The following COL9A2 variants were observed in gnomAD, a reference collection of about 807,000 sequenced individuals.
COL9A2 encodes collagen alpha-2(IX) chain.
A neutral mutation model predicts 111.6 loss-of-function variants in COL9A2; 66 were observed. The ratio of observed to expected loss-of-function variants is 0.59; its 90% CI spans 0.48 to 0.73. The LOEUF (loss-of-function observed/expected upper bound fraction) is 0.73, where lower values mean the gene tolerates loss of function less well. COL9A2 is among the 30% of genes least tolerant of loss of function. The pLI is 0.00. For synonymous variants in COL9A2, 353 were observed against 364.1 expected (o/e 0.97, Z 0.35); for missense variants, 881 against 954.1 (o/e 0.92, Z 1.01).
chr1:40,309,316 T>G (rs1259787839), intron 16 of COL9A2, among the ~76,000 whole-genome samples: 1 of 151,978 alleles, frequency 6.6e-6, no homozygotes, highest in Non-Finnish European at 1.5e-5. Flanking sequence ...AATTTTTTAA[T>G]TTTTAAAAAG....
Position 40,301,053 on chromosome 1 carries a change from A to G in COL9A2, c.*129T>C. ...TGTTTTAGAATTCCTTTTCCTTAGG[A>G]CTCCTGAGTCCCAGACAGAAGGTCC... On this transcript the variant is annotated 3_prime_UTR_variant, in exon 32 of 32. Coordinates refer to ENST00000372748, the MANE Select transcript of COL9A2 (RefSeq NM_001852.4). The G allele has an allele frequency of 6.4e-6, 6 of 940,222 alleles. No individual in the cohort carries two copies. The highest frequency in any genetic ancestry group is 9.9e-6 in the Non-Finnish European group (6 of 606,496). The allele number at this position is 940,222 out of a possible 1,614,324, so 58.2% of individuals were successfully genotyped here. A position where few individuals can be genotyped will look rare whatever the true frequency, so the allele number is the denominator to read the frequency against.
chr1:40,309,801 T>A (rs1644089843), intron 16 of COL9A2, 137 bp downstream of exon 16: 1 of 847,740 alleles, frequency 1.2e-6, no homozygotes, highest in Non-Finnish European at 2.0e-6. Flanking sequence ...ACACACACAC[T>A]ACACACTCAC....
In COL9A2 at chr1:40,303,318, G is replaced by C; in HGVS notation, c.1549-133C>G. The C allele has an allele frequency of 8.6e-7, 1 of 1,157,558 alleles. No individual in the cohort carries two copies. The highest frequency in any genetic ancestry group is 1.3e-6 in the Non-Finnish European group (1 of 797,356). The allele number at this position is 1,157,558 out of a possible 1,614,324, so 71.7% of individuals were successfully genotyped here. On this transcript the variant is annotated intron_variant, in intron 28 of 31. Transcript: ENST00000372748. The surrounding 1 kb of genome is among the most constrained non-coding windows in gnomAD (Gnocchi z 4.6). Reference sequence around the variant, plus strand: ...TCATTAATTCCCAAGCTGAGGAACAGATTGTACCTGGGCAGGGCCAAGGGC... The same window carrying C: ...TCATTAATTCCCAAGCTGAGGAACACATTGTACCTGGGCAGGGCCAAGGGC...
Position 40,315,577 on chromosome 1 carries a change from G to T in COL9A2, c.150+13C>A. The T allele has an allele frequency of 6.4e-7, 1 of 1,551,586 alleles. No individual in the cohort carries two copies. The highest frequency in any genetic ancestry group is 8.7e-7 in the Non-Finnish European group (1 of 1,146,650). ...CGCCTCCCTCCCGCCCTGGTCTCAG[G>T]TTAGAGACTTACGTCGATGCCGTCG... On this transcript the variant is annotated intron_variant, in intron 2 of 31. Transcript: ENST00000372748.
chr1:40,315,115 T>A (rs1172502760), intron 2 of COL9A2: 12 of 649,872 alleles, frequency 1.8e-5, no homozygotes, highest in Non-Finnish European at 2.3e-5. Flanking sequence ...GAATGAGGTA[T>A]TTAACCCTCA....
At chr1:40,315,756 A>T (rs1644209576) in intron 1 of COL9A2, 92 bp from the exon 2 acceptor site, 3 of 836,476 alleles carry the variant, frequency 3.6e-6, no homozygotes, top group Middle Eastern at 5.4e-4. Flanking sequence ...GCGGGGTCCT[A>T]GGGGCGCAGC....
rs550968388 is a variant in COL9A2 at position 40,311,470 on chromosome 1, G to A, written c.519+30C>T. The A allele has an allele frequency of 1.3e-6, 2 of 1,536,610 alleles. No individual in the cohort carries two copies. Among genetic ancestry groups the A allele is most frequent in the African/African-American group, 1.4e-5 (1 of 71,926 alleles). On this transcript the variant is annotated intron_variant, in intron 10 of 31. Transcript: ENST00000372748. This position sits in a 1 kb window ranked among gnomAD's most constrained non-coding sequence, Gnocchi z 5.1. ...CATCTCTGTGGCCCCGCCCCCCTGT[G>A]TTAGCCCCGCCCCAGACCTCGTCTC...
rs1035608900 is a variant in COL9A2 at position 40,305,067 on chromosome 1, T to C, written c.1108-220A>G. On this transcript the variant is annotated intron_variant, in intron 21 of 31. Coordinates refer to ENST00000372748, the MANE Select transcript of COL9A2 (RefSeq NM_001852.4). ...TGTGATCATTTCTTTCTTTCTTTTTTTTTTTTTTTTTTTTTTTTGAGAGGG... is the reference window on the plus strand; with the variant it reads ...TGTGATCATTTCTTTCTTTCTTTTTCTTTTTTTTTTTTTTTTTTGAGAGGG... 4.8e-5 allele frequency: 19 copies of C among 392,972 alleles called. 1 individual carries two copies. In the Middle Eastern group the frequency reaches 2.7e-3, roughly 56 times the overall value. The allele number at this position is 392,972 out of a possible 1,614,324, so 24.3% of individuals were successfully genotyped here.
intron 4 of COL9A2, among the ~76,000 whole-genome samples, chr1:40,313,336 T>G (rs945404815): frequency 6.6e-5 from 10 of 152,184 alleles, no homozygotes; most frequent in African/African-American, 2.4e-4. Context: ...GCTTGGGTAA[T>G]TTTTGTATTT....
chr1:40,315,498 C>T (rs1644203934), intron 2 of COL9A2, 92 bp downstream of exon 2: 1 of 1,458,408 alleles, frequency 6.9e-7, no homozygotes, highest in Non-Finnish European at 9.1e-7. Context: ...CATCTCCGGG[C>T]ACCCCGAAGT....
chr1:40,303,571 T>A lies in COL9A2; in HGVS notation c.1507A>T (p.Asn503Tyr), dbSNP rs1557792453. 1 of 1,611,048 alleles carries A rather than the reference T, an allele frequency of 6.2e-7. No homozygotes were observed. The highest frequency in any genetic ancestry group is 2.2e-5 in the East Asian group (1 of 44,798). ...CCGGGCTGTCCTGGCACGCCTCGGT[T>A]CCCGGCCAGTCCTCGAGGGCCGGGG... ...GPPGPRGLAG[N>Y]RGVPGQPGRQ... Residue 503 changes from asparagine (N) to tyrosine (Y), a missense_variant, in exon 28 of 32, where the codon AAC (asparagine) becomes TAC (tyrosine). Transcript: ENST00000372748. This position sits in a 1 kb window ranked among gnomAD's most constrained non-coding sequence, Gnocchi z 4.6.
rs531682380 is a variant in COL9A2 at position 40,314,461 on chromosome 1, A to G, written c.151-74T>C. On this transcript the variant is annotated intron_variant, in intron 2 of 31. Transcript: ENST00000372748. The surrounding 1 kb of genome is among the most constrained non-coding windows in gnomAD (Gnocchi z 4.1). ...CAAGTGGGCACACACAGGCCCTGGCAGGCCGCTCCCAAAGGCTCTCCTCAC... is the reference window on the plus strand; with the variant it reads ...CAAGTGGGCACACACAGGCCCTGGCGGGCCGCTCCCAAAGGCTCTCCTCAC... The G allele has an allele frequency of 2.8e-5, 45 of 1,580,786 alleles. No individual in the cohort carries two copies. In the African/African-American group the frequency reaches 5.8e-4, roughly 20 times the overall value.
chr1:40,307,752 G>C lies in COL9A2; in HGVS notation c.905C>G (p.Pro302Arg), dbSNP rs369110014. The C allele has an allele frequency of 6.2e-6, 10 of 1,614,034 alleles. No homozygotes were observed. The highest frequency in any genetic ancestry group is 7.6e-6 in the Non-Finnish European group (9 of 1,180,006). ...GITGPKGATG[P>R]PGINGKDGTP... ...CCCATCCTTGCCGTTGATGCCTGGG[G>C]GGCCCTACCCAGGAGGAAAGTTCAA... The change falls in exon 18 of 32, where the codon CCC (proline) becomes CGC (arginine). Residue 302 changes from proline (P) to arginine (R), a missense_variant. Transcript: ENST00000372748. The surrounding 1 kb of genome is among the most constrained non-coding windows in gnomAD (Gnocchi z 4.8).
chr1:40,314,329 G>A lies in COL9A2; in HGVS notation c.186+23C>T. Reference sequence around the variant, plus strand: ...AGGGCAAGAGCAGGAAGGGTCAAAGGCCAAAGAGGATAAAGCACTCACCGG... The same window carrying A: ...AGGGCAAGAGCAGGAAGGGTCAAAGACCAAAGAGGATAAAGCACTCACCGG... On this transcript the variant is annotated intron_variant, in intron 3 of 31. Transcript: ENST00000372748. The surrounding 1 kb of genome is among the most constrained non-coding windows in gnomAD (Gnocchi z 4.1). The A allele has an allele frequency of 6.2e-7, 1 of 1,614,168 alleles. No homozygotes were observed. The highest frequency in any genetic ancestry group is 8.5e-7 in the Non-Finnish European group (1 of 1,180,020).
chr1:40,313,361 G>A (rs903940770), intron 4 of COL9A2, among the ~76,000 whole-genome samples: 2 of 152,002 alleles, frequency 1.3e-5, no homozygotes, highest in Non-Finnish European at 2.9e-5. Context: ...TAGAGATGGG[G>A]TTTCGCCATG....
In COL9A2 at chr1:40,312,574, C is replaced by G; in HGVS notation, c.339G>C (p.Pro113=). The stretch of plus-strand genomic sequence containing the variant: ...CGAAGCCCTTGCAGGTTGTACTCAC[C>G]GGAAGGCCAGGAGGACCAGGAAGCC... ...QPGLPGPPGL[P]GPGFAGPPGP... The change falls in exon 6 of 32, where the codon CCG becomes CCC. Residue 113 remains proline, a splice_region_variant and synonymous_variant. Coordinates refer to ENST00000372748, the MANE Select transcript of COL9A2 (RefSeq NM_001852.4). The surrounding 1 kb of genome is among the most constrained non-coding windows in gnomAD (Gnocchi z 6.0). 1 of 1,614,064 alleles carries G rather than the reference C, an allele frequency of 6.2e-7. No homozygotes were observed. Among genetic ancestry groups the G allele is most frequent in the South Asian group, 1.1e-5 (1 of 91,064 alleles).
chr1:40,306,399 G>C (rs1225047077), intron 19 of COL9A2, among the ~76,000 whole-genome samples: 4 of 152,220 alleles, frequency 2.6e-5, no homozygotes, highest in Non-Finnish European at 5.9e-5. Context: ...CAGGACCTGG[G>C]GTCTACGTGG....
Position 40,310,117 on chromosome 1 carries a change from C to T in COL9A2, c.786G>A (p.Gly262=). 6.2e-7 allele frequency: 1 copy of T among 1,613,998 alleles called. No homozygotes were observed. Among genetic ancestry groups the T allele is most frequent in the Non-Finnish European group, 8.5e-7 (1 of 1,179,906 alleles). ...KGMVGAIGAT[G]PPGEEGPRGP... ...GGAGCAAAAAGAGGCTTACCGGTGG[C>T]CCAGTGGCACCGATAGCGCCCACCA... The change falls in exon 15 of 32, where the codon GGG becomes GGA. Residue 262 remains glycine (G), a synonymous_variant. Coordinates refer to ENST00000372748, the MANE Select transcript of COL9A2 (RefSeq NM_001852.4). The surrounding 1 kb of genome is among the most constrained non-coding windows in gnomAD (Gnocchi z 4.9).
chr1:40,305,073 T>C (rs200442103), intron 21 of COL9A2: 11 of 419,380 alleles, frequency 2.6e-5, no homozygotes, highest in African/African-American at 9.5e-5. Context: ...TTTTTTTTTT[T>C]TTTTTTTTTT....
Sources: gnomAD v4.1 joint callset for allele counts (sites outside exome capture counted in the v4.1 genomes callset) on GRCh38, gnomAD v4.1.1 for gene constraint, Gnocchi (gnomAD v3.1) non-coding constraint, MANE v1.5 for transcripts, NCBI Gene and HGNC (gene_info 2026-07-23, HGNC 2026-07-21) for gene names.